Variants in IPMK observed in about 807,000 individuals in gnomAD.
IPMK encodes inositol 1,3,4,6-tetrakisphosphate 5-kinase.
A neutral mutation model predicts 45.8 loss-of-function variants in IPMK; 17 were observed. The observed-to-expected ratio is 0.37, with a 90% CI of 0.25 to 0.56. The LOEUF is 0.56. Ranked by LOEUF, IPMK falls within the 20% of genes least tolerant of loss-of-function variation. The pLI, the probability that IPMK is intolerant of heterozygous loss-of-function variation, is 0.79. For synonymous variants in IPMK, 180 were observed against 184.3 expected, an observed-to-expected ratio of 0.98 and a Z score of 0.19; for missense variants, 399 against 498.0, an observed-to-expected ratio of 0.80 and a Z score of 1.89.
At chr10:58,237,624 T>C (rs994000267) in intron 2 of IPMK, 105 bp downstream of exon 2, 13 of 820,624 alleles carry the variant, frequency 1.6e-5, no homozygotes, top group African/African-American at 1.0e-4. Flanking sequence ...TTCCGTTACA[T>C]ACACACAGTG....
chr10:58,246,858 T>C (rs1018920881), intron 1 of IPMK, among the ~76,000 whole-genome samples: 21 of 150,960 alleles, frequency 1.4e-4, no homozygotes, highest in Admixed American at 3.9e-4. Context: ...ACCATCAGAG[T>C]GAACAAGCAA....
intron 4 of IPMK, among the ~76,000 whole-genome samples, chr10:58,209,175 C>G (rs1016858397): frequency 1.3e-5 from 2 of 152,154 alleles, no homozygotes; most frequent in Non-Finnish European, 2.9e-5. Context: ...TGGATTATTC[C>G]AGAATGGCTT....
intron 2 of IPMK, among the ~76,000 whole-genome samples, chr10:58,229,723 G>C (rs1037524498): frequency 1.3e-5 from 2 of 151,968 alleles, no homozygotes; most frequent in African/African-American, 2.4e-5. Context: ...AAAGAAAGAG[G>C]GGGGTGTTCC....
chr10:58,235,370 T>C (rs1438618096), intron 2 of IPMK, among the ~76,000 whole-genome samples: 6 of 152,332 alleles, frequency 3.9e-5, no homozygotes, highest in South Asian at 4.1e-4. Flanking sequence ...TGTAGACGTA[T>C]GTTTACTGCA....
intron 1 of IPMK, among the ~76,000 whole-genome samples, chr10:58,264,653 G>GT (rs1469831713): frequency 2.0e-5 from 3 of 152,044 alleles, no homozygotes; most frequent in Non-Finnish European, 2.9e-5. Context: ...ATACAAGAAT[G>GT]TTTAATAAGT....
intron 4 of IPMK, among the ~76,000 whole-genome samples, chr10:58,202,812 G>T (rs1838016105): frequency 6.6e-6 from 1 of 152,152 alleles, no homozygotes; most frequent in Non-Finnish European, 1.5e-5. Flanking sequence ...AAATATTACT[G>T]CTCATTGACA....
Position 58,267,452 on chromosome 10 carries a change from C to T in IPMK, c.160G>A (p.Ala54Thr), listed in dbSNP as rs1434879527. The T allele has an allele frequency of 6.2e-7, 1 of 1,613,752 alleles. No individual in the cohort carries two copies. Among genetic ancestry groups the T allele is most frequent in the Non-Finnish European group, 8.5e-7 (1 of 1,179,884 alleles). The change falls in exon 1 of 6, where the codon GCC becomes ACC. Residue 54 changes from alanine (A) to threonine (T), a missense_variant. Physicochemically the swap from Ala to Thr is moderately conservative, Grantham distance 58. Around this residue, in one of 2 missense-constraint regions of IPMK, gnomAD observed 111 missense variants for 99.9 expected, o/e 1.11. Coordinates refer to ENST00000373935, the MANE Select transcript of IPMK (RefSeq NM_152230.5). ...NGCVPLSHQVAGHMYGKDKVG... is the reference protein window; with the variant it reads ...NGCVPLSHQVTGHMYGKDKVG... ...TTGTCCTTCCCGTACATGTGCCCGG[C>T]CACCTGATGCGAGAGGGGCACGCAG...
chr10:58,196,538 T>C lies in IPMK; in HGVS notation c.789A>G (p.Pro263=). ...TTCTGTCATTCAATTTTGTAGTGGT[T>C]GGCTGAGATGAACCTTCATAAACAA... ...LLFVYEGSSQ[P]TTTKLNDRTL... The change falls in exon 6 of 6, where the codon CCA becomes CCG. Residue 263 remains proline, a synonymous_variant. Transcript: ENST00000373935. The C allele has an allele frequency of 6.2e-7, 1 of 1,614,048 alleles. No individual in the cohort carries two copies. Among genetic ancestry groups the C allele is most frequent in the East Asian group, 2.2e-5 (1 of 44,870 alleles).
chr10:58,253,364 T>A (rs769218589), intron 1 of IPMK, among the ~76,000 whole-genome samples: 1 of 152,132 alleles, frequency 6.6e-6, no homozygotes, highest in Non-Finnish European at 1.5e-5. Flanking sequence ...GTAAAACAGG[T>A]CTGGCATTGA....
At chr10:58,262,813 T>C (rs1296666119) in intron 1 of IPMK, among the ~76,000 whole-genome samples, 2 of 152,192 alleles carry the variant, frequency 1.3e-5, no homozygotes, top group Admixed American at 6.5e-5. Flanking sequence ...ATACATGTTA[T>C]CAAATAGGAA....
intron 3 of IPMK, 112 bp downstream of exon 3, chr10:58,226,931 T>C (rs575649308): frequency 6.6e-5 from 41 of 624,298 alleles, no homozygotes; most frequent in African/African-American, 6.0e-4. Context: ...AAAACATATA[T>C]ATTTTGTGTT....
At chr10:58,249,039 T>C (rs951576316) in intron 1 of IPMK, among the ~76,000 whole-genome samples, 8 of 152,232 alleles carry the variant, frequency 5.3e-5, no homozygotes, top group African/African-American at 1.9e-4. Context: ...CTTTTGGATA[T>C]ATATTCAGAA....
chr10:58,249,465 T>C (rs1838851361), intron 1 of IPMK, among the ~76,000 whole-genome samples: 1 of 152,216 alleles, frequency 6.6e-6, no homozygotes, highest in Non-Finnish European at 1.5e-5. Context: ...TTATGATTAG[T>C]GATGTTGAGC....
chr10:58,263,597 A>T (rs1209299845), intron 1 of IPMK, among the ~76,000 whole-genome samples: 1 of 151,964 alleles, frequency 6.6e-6, no homozygotes, highest in Non-Finnish European at 1.5e-5. Flanking sequence ...AGGCAGGAGG[A>T]TTGCTTGAGC....
chr10:58,229,163 C>T (rs1459130137), intron 2 of IPMK, among the ~76,000 whole-genome samples: 1 of 152,006 alleles, frequency 6.6e-6, no homozygotes, highest in Non-Finnish European at 1.5e-5. Flanking sequence ...AAGCAGCAAA[C>T]AAACAATATT....
At chr10:58,240,928 C>T (rs1838687901) in intron 1 of IPMK, among the ~76,000 whole-genome samples, 1 of 152,124 alleles carries the variant, frequency 6.6e-6, no homozygotes, top group African/African-American at 2.4e-5. Context: ...GGAAGTGAAG[C>T]ACCACTACTA....
At chr10:58,228,401 T>C (rs1838454043) in intron 2 of IPMK, among the ~76,000 whole-genome samples, 2 of 152,342 alleles carry the variant, frequency 1.3e-5, no homozygotes, top group South Asian at 2.1e-4. Flanking sequence ...AAACTACTCA[T>C]AGTTTAATTC....
rs1427797199 is a variant in IPMK, at chr10:58,227,094, T to C, written c.322A>G (p.Lys108Glu). ...CFDGVLLELR[K>E]YLPKYYGIWS... is the part of the protein sequence containing the mutation. ...ATGCCATAATATTTTGGCAAATATT[T>C]TCGTAGCTCTAGAAGAACACCATCA... The change falls in exon 3 of 6, where the codon AAA (lysine) becomes GAA (glutamate). Residue 108 changes from lysine (K) to glutamate (E), a missense_variant. Physicochemically the swap from Lys to Glu is moderately conservative, Grantham distance 56. Transcript: ENST00000373935. 2 of 1,613,416 alleles carry C rather than the reference T, an allele frequency of 1.2e-6. No individual in the cohort carries two copies. The highest frequency in any genetic ancestry group is 2.2e-5 in the South Asian group (2 of 91,044).
chr10:58,212,462 GTGT>G (rs1168608417), intron 4 of IPMK: 1 of 174,512 alleles, frequency 5.7e-6, no homozygotes, highest in African/African-American at 2.4e-5. Context: ...TTAAGACCTG[GTGT>G]TGTATGGATG....
Sources: gnomAD v4.1 joint callset for allele counts (sites outside exome capture counted in the v4.1 genomes callset) on GRCh38, gnomAD v4.1.1 for gene constraint, gnomAD v4.1.1 regional missense constraint, MANE v1.5 for transcripts, NCBI Gene and HGNC (gene_info 2026-07-23, HGNC 2026-07-21) for gene names.